THADA: variants seen among roughly 807,000 people sequenced by gnomAD.
THADA encodes the protein tRNA (32-2'-O)-methyltransferase regulator THADA.
THADA carries 213 observed loss-of-function variants against 219.8 expected under a neutral mutation model. That is an observed-to-expected ratio of 0.97 (90% CI 0.87 to 1.09). THADA has a LOEUF of 1.09. Among genes scored for constraint, THADA ranks in the 50% least tolerant of loss-of-function variants. The probability of loss-of-function intolerance (pLI) is 0.00; values close to 1 mark genes in which losing one functional copy is unlikely to be tolerated. For synonymous variants in THADA, 1,018 were observed against 828.9 expected (o/e 1.23, Z -3.92); for missense variants, 2,956 against 2,311.3 (o/e 1.28, Z -5.72).
intron 21 of THADA, among the ~76,000 whole-genome samples, chr2:43,533,830 C>A (rs774484249): frequency 2.0e-5 from 3 of 152,124 alleles, no homozygotes; most frequent in Admixed American, 6.6e-5. Flanking sequence ...ATAGGTGCAG[C>A]AAACCACCGT....
intron 7 of THADA, among the ~76,000 whole-genome samples, chr2:43,583,622 G>T (rs1441157007): frequency 6.6e-6 from 1 of 152,146 alleles, no homozygotes; most frequent in African/African-American, 2.4e-5. Flanking sequence ...AATGTTTATA[G>T]CAGCATTATT....
At chr2:43,578,246 G>A (rs1437762964) in intron 9 of THADA, among the ~76,000 whole-genome samples, 1 of 150,978 alleles carries the variant, frequency 6.6e-6, no homozygotes, top group African/African-American at 2.4e-5. Context: ...AGGCTCAAGC[G>A]ATCCTCCTAC....
intron 19 of THADA, 110 bp from the exon 20 acceptor site, chr2:43,549,478 C>A: frequency 8.9e-7 from 1 of 1,125,840 alleles, no homozygotes; most frequent in Non-Finnish European, 1.2e-6. Flanking sequence ...TAATAATCAG[C>A]TTTATTAGAA....
At chr2:43,485,643 T>A (rs552563643) in intron 25 of THADA, among the ~76,000 whole-genome samples, 2 of 152,302 alleles carry the variant, frequency 1.3e-5, no homozygotes, top group South Asian at 2.1e-4. Flanking sequence ...CATTTTTCTA[T>A]ATGCTTCCTG....
At chr2:43,454,152 G>A (rs532107459) in intron 26 of THADA, among the ~76,000 whole-genome samples, 3 of 152,138 alleles carry the variant, frequency 2.0e-5, no homozygotes, top group Non-Finnish European at 2.9e-5. Flanking sequence ...TTAAATAAAT[G>A]AAGAAATAAA....
At chr2:43,378,812 G>T (rs1270905314) in intron 29 of THADA, among the ~76,000 whole-genome samples, 1 of 152,048 alleles carries the variant, frequency 6.6e-6, no homozygotes, top group Non-Finnish European at 1.5e-5. Context: ...CTCTATGTTG[G>T]CCAGGCTGGT....
At chr2:43,377,634 G>T (rs1167757795) in intron 29 of THADA, among the ~76,000 whole-genome samples, 1 of 152,170 alleles carries the variant, frequency 6.6e-6, no homozygotes, top group Non-Finnish European at 1.5e-5. Flanking sequence ...TTACCTTGCG[G>T]CCAGAGGTGA....
intron 26 of THADA, among the ~76,000 whole-genome samples, chr2:43,469,591 T>A (rs1467166805): frequency 1.3e-5 from 2 of 152,242 alleles, no homozygotes; most frequent in Non-Finnish European, 2.9e-5. Flanking sequence ...TCTTATTTTT[T>A]AAAAGGCTTG....
intron 36 of THADA, among the ~76,000 whole-genome samples, chr2:43,262,481 C>T (rs1671068536): frequency 1.3e-5 from 2 of 152,126 alleles, no homozygotes; most frequent in Admixed American, 1.3e-4. Flanking sequence ...TCTGGACTCA[C>T]TCATATGGAA....
intron 26 of THADA, among the ~76,000 whole-genome samples, chr2:43,473,195 A>G (rs1207911506): frequency 6.6e-6 from 1 of 152,228 alleles, no homozygotes; most frequent in Non-Finnish European, 1.5e-5. Flanking sequence ...CAAAGGTTAA[A>G]ACACATTATT....
At chr2:43,592,495 T>C (rs1461341988) in intron 1 of THADA, 79 bp from the exon 2 acceptor site, 6 of 823,204 alleles carry the variant, frequency 7.3e-6, no homozygotes, top group African/African-American at 1.7e-5. Context: ...GGTTCATTCT[T>C]TGTTGAACAG....
rs571785005 is a variant in THADA at position 43,267,475 on chromosome 2, C to A, written c.5296+12290G>T. Among the ~76,000 whole-genome samples, 138 of 152,328 alleles carry A rather than the reference C, an allele frequency of 9.1e-4. 1 individual carries two copies. The highest frequency in any genetic ancestry group is 3.1e-3 in the African/African-American group (130 of 41,578). Reference sequence around the variant, plus strand: ...TCCTATCTCCCAAAACCCAGTCTTTCCCCCTTACACAGAAATGGGCTTTTT... The same window carrying A: ...TCCTATCTCCCAAAACCCAGTCTTTACCCCTTACACAGAAATGGGCTTTTT... On this transcript the variant is annotated intron_variant, in intron 36 of 37. Coordinates refer to ENST00000405975, the MANE Select transcript of THADA (RefSeq NM_022065.5).
intron 30 of THADA, among the ~76,000 whole-genome samples, chr2:43,340,231 C>A (rs957247075): frequency 6.6e-6 from 1 of 152,188 alleles, no homozygotes; most frequent in Non-Finnish European, 1.5e-5. Context: ...GCTTTGACAT[C>A]CTGGAATGAA....
intron 24 of THADA, among the ~76,000 whole-genome samples, chr2:43,501,540 T>A (rs1432123914): frequency 2.0e-5 from 3 of 152,092 alleles, no homozygotes; most frequent in Non-Finnish European, 4.4e-5. Flanking sequence ...AAAATTTTTA[T>A]GGAACAGCAA....
intron 29 of THADA, among the ~76,000 whole-genome samples, chr2:43,356,344 G>A (rs912824541): frequency 6.6e-6 from 1 of 152,050 alleles, no homozygotes; most frequent in African/African-American, 2.4e-5. Flanking sequence ...AATGAAATAT[G>A]TTTCATATCA....
At chr2:43,461,567 A>G (rs947403791) in intron 26 of THADA, among the ~76,000 whole-genome samples, 3 of 152,148 alleles carry the variant, frequency 2.0e-5, no homozygotes, top group Non-Finnish European at 4.4e-5. Flanking sequence ...GGTCTGGGTT[A>G]ATAGAGTCTT....
intron 29 of THADA, among the ~76,000 whole-genome samples, chr2:43,388,474 C>A (rs185744722): frequency 2.0e-5 from 3 of 152,244 alleles, no homozygotes; most frequent in African/African-American, 7.2e-5. Flanking sequence ...TCCTGTATCT[C>A]CTTTCACTTT....
At chr2:43,422,611 T>G (rs147423416) in intron 28 of THADA, among the ~76,000 whole-genome samples, 2 of 152,356 alleles carry the variant, frequency 1.3e-5, no homozygotes, top group African/African-American at 4.8e-5. Flanking sequence ...TGAAGCCAGA[T>G]AGCCCTCATT....
At chr2:43,587,070 G>C (rs1701105859) in intron 4 of THADA, 68 bp from the exon 5 acceptor site, 2 of 1,473,046 alleles carry the variant, frequency 1.4e-6, no homozygotes, top group Non-Finnish European at 1.9e-6. Flanking sequence ...AGAGGGAAGA[G>C]AATCATACAA....
Sources: gnomAD v4.1 joint callset for allele counts (sites outside exome capture counted in the v4.1 genomes callset) on GRCh38, gnomAD v4.1.1 for gene constraint, MANE v1.5 for transcripts, NCBI Gene and HGNC (gene_info 2026-07-23, HGNC 2026-07-21) for gene names.